The following GNG4 variants were observed in gnomAD, a reference collection of about 807,000 sequenced individuals.
The protein encoded by GNG4 is guanine nucleotide-binding protein G(I)/G(S)/G(O) subunit gamma-4.
In GNG4, 4 loss-of-function variants were observed where a neutral mutation model predicts 5.8. The observed-to-expected ratio is 0.69, with a 90% CI of 0.34 to 1.57. GNG4 has a LOEUF of 1.57. GNG4 is among the 40% of genes most tolerant of loss of function. GNG4 has a pLI of 0.06. For synonymous variants in GNG4, 29 were observed against 32.9 expected, an observed-to-expected ratio of 0.88 and a Z score of 0.41; for missense variants, 96 against 95.1, an observed-to-expected ratio of 1.01 and a Z score of -0.04.
chr1:235,604,712 A>G (rs772932269), intron 1 of GNG4, among the ~76,000 whole-genome samples: 3 of 152,114 alleles, frequency 2.0e-5, no homozygotes, highest in Non-Finnish European at 2.9e-5. Flanking sequence ...ACTTAATCAT[A>G]TTTGCAAAGA....
At chr1:235,616,248 A>G in intron 1 of GNG4, 1 of 505,518 alleles carries the variant, frequency 2.0e-6, no homozygotes, top group South Asian at 1.5e-5. Flanking sequence ...GCTGTGGTTG[A>G]TATGTTCCCT....
rs6429213 is a variant in GNG4 at position 235,642,088 on chromosome 1, T to C, written c.-123+7574A>G. Among the ~76,000 whole-genome samples, 98,871 of 152,086 alleles carry C rather than the reference T, an allele frequency of 0.65. 32,818 individuals carry two copies. Among genetic ancestry groups the C allele is most frequent in the African/African-American group, 0.77 (31,732 of 41,478 alleles). The stretch of plus-strand genomic sequence containing the variant: ...CAACGTACAGTGCGGAAAAGCAACA[T>C]AACACACTAAGAACCGTGCGGAAAA... On this transcript the variant is annotated intron_variant, in intron 1 of 3. Coordinates refer to ENST00000391854, the MANE Select transcript of GNG4 (RefSeq NM_001098722.2). The surrounding 1 kb of genome is among the most constrained non-coding windows in gnomAD (Gnocchi z 4.3).
intron 1 of GNG4, among the ~76,000 whole-genome samples, chr1:235,634,029 G>C: frequency 6.6e-6 from 1 of 152,208 alleles, no homozygotes; most frequent in South Asian, 2.1e-4. Context: ...TTCGAAATCA[G>C]AGAGAGCTCA....
intron 1 of GNG4, among the ~76,000 whole-genome samples, chr1:235,630,202 C>T (rs73122526): frequency 0.015 from 2,263 of 152,276 alleles, 67 homozygotes; most frequent in African/African-American, 0.051. Flanking sequence ...CCTCCATTCC[C>T]CATAACTTCA....
chr1:235,592,311 G>A (rs1687985196), intron 2 of GNG4, among the ~76,000 whole-genome samples: 1 of 152,184 alleles, frequency 6.6e-6, no homozygotes, highest in African/African-American at 2.4e-5. Context: ...TTCGAGGCCA[G>A]CCTGGCCAAC....
chr1:235,606,939 C>CT (rs1391217542), intron 1 of GNG4, among the ~76,000 whole-genome samples: 6 of 142,614 alleles, frequency 4.2e-5, no homozygotes, highest in Non-Finnish European at 7.6e-5. Flanking sequence ...TCCTTCCTTT[C>CT]TTTCCTTTTT....
At chr1:235,619,353 C>A (rs187946501) in intron 1 of GNG4, among the ~76,000 whole-genome samples, 15 of 151,222 alleles carry the variant, frequency 9.9e-5, no homozygotes, top group African/African-American at 3.4e-4. Flanking sequence ...GCCAAGATTG[C>A]GCCACTGCAC....
intron 2 of GNG4, among the ~76,000 whole-genome samples, chr1:235,587,294 G>T (rs1341273024): frequency 3.2e-4 from 16 of 49,346 alleles, no homozygotes; most frequent in African/African-American, 1.3e-3. Context: ...GTGGGTTGGG[G>T]TGTGTGTGAG....
At chr1:235,645,900 T>C (rs140204984) in intron 1 of GNG4, among the ~76,000 whole-genome samples, 6 of 151,406 alleles carry the variant, frequency 4.0e-5, no homozygotes, top group African/African-American at 1.5e-4. Context: ...TTGGAGCCCA[T>C]ATGGAGGGGA....
chr1:235,567,077 A>G (rs985470610), intron 3 of GNG4: 5 of 151,848 alleles, frequency 3.3e-5, no homozygotes, highest in African/African-American at 1.2e-4. Context: ...AAGTAGGCAC[A>G]TACCACCATG....
At position 235,551,110 on chromosome 1, in the gene GNG4, C is replaced by T. The variant is rs748961193; in HGVS notation, c.*999G>A. 1.3e-5 allele frequency: 2 copies of T among 152,320 alleles called. No homozygotes were observed. The highest frequency in any genetic ancestry group is 1.9e-4 in the East Asian group (1 of 5,192). The allele number at this position is 152,320 out of a possible 1,614,324, so 9.4% of individuals were successfully genotyped here. ...CCGCACCCACAGGTCTGCCACAGCG[C>T]GTCAACGGTATGGGGTACTTTTACA... is the stretch of plus-strand genomic sequence containing the variant. On this transcript the variant is annotated 3_prime_UTR_variant, in exon 4 of 4. Transcript: ENST00000391854.
chr1:235,556,491 G>C (rs1347626340), intron 3 of GNG4, among the ~76,000 whole-genome samples: 7 of 149,154 alleles, frequency 4.7e-5, no homozygotes, highest in Non-Finnish European at 1.0e-4. Flanking sequence ...CAGGGAGTCA[G>C]AGGTTGCAGT....
chr1:235,636,872 A>G (rs1689049208), intron 1 of GNG4, among the ~76,000 whole-genome samples: 3 of 151,984 alleles, frequency 2.0e-5, no homozygotes, highest in Admixed American at 2.0e-4. Context: ...CCCCTAGGGC[A>G]AGAGGATACC....
At chr1:235,613,125 C>G (rs1688516464) in intron 1 of GNG4, among the ~76,000 whole-genome samples, 1 of 151,932 alleles carries the variant, frequency 6.6e-6, no homozygotes, top group African/African-American at 2.4e-5. Flanking sequence ...GTGGGGGGGT[C>G]ACAAACATTC....
chr1:235,582,852 C>G lies in GNG4; in HGVS notation c.99+888G>C, dbSNP rs145301708. Among the ~76,000 whole-genome samples, 654 of 152,258 alleles carry G rather than the reference C, an allele frequency of 4.3e-3. 3 individuals carry two copies. Among genetic ancestry groups the G allele is most frequent in the African/African-American group, 0.015 (634 of 41,532 alleles). On this transcript the variant is annotated intron_variant, in intron 3 of 3. Transcript: ENST00000391854. ...TTTCTGCCTCCTTGGAGAGGTTGTA[C>G]CCCCAGAGCTCCAGGGGAAAAGAAT...
intron 1 of GNG4, among the ~76,000 whole-genome samples, chr1:235,641,904 A>G (rs1657339865): frequency 6.6e-6 from 1 of 152,058 alleles, no homozygotes; most frequent in Non-Finnish European, 1.5e-5. Flanking sequence ...CACTTACTAT[A>G]TCTTAAATGC....
intron 1 of GNG4, among the ~76,000 whole-genome samples, chr1:235,606,767 T>C (rs1303490066): frequency 6.6e-6 from 1 of 151,744 alleles, no homozygotes; most frequent in East Asian, 2.0e-4. Context: ...GCAGGGGAAG[T>C]CCTGGCTGTG....
intron 2 of GNG4, among the ~76,000 whole-genome samples, chr1:235,588,012 G>C (rs1247091214): frequency 6.6e-6 from 1 of 151,768 alleles, no homozygotes; most frequent in Non-Finnish European, 1.5e-5. Context: ...CAGCAGAGCC[G>C]ACTCTCAGTC....
At chr1:235,582,717 G>C (rs998203500) in intron 3 of GNG4, among the ~76,000 whole-genome samples, 1 of 152,208 alleles carries the variant, frequency 6.6e-6, no homozygotes, top group Non-Finnish European at 1.5e-5. Context: ...GTTGGTATCG[G>C]TATGTATGAG....
Sources: allele counts gnomAD v4.1 joint callset (sites outside exome capture counted in the v4.1 genomes callset), GRCh38; gene constraint gnomAD v4.1.1; non-coding constraint Gnocchi (gnomAD v3.1); transcripts MANE v1.5; gene names NCBI Gene and HGNC (gene_info 2026-07-23, HGNC 2026-07-21).